Variants in FHIT observed in about 807,000 individuals in gnomAD.
FHIT encodes the protein bis(5'-adenosyl)-triphosphatase.
FHIT carries 19 observed loss-of-function variants against 17.9 expected under a neutral mutation model. That is an observed-to-expected ratio of 1.06 (90% confidence interval 0.74 to 1.56). The LOEUF (loss-of-function observed/expected upper bound fraction) is 1.56. Among genes scored for constraint, FHIT ranks in the 40% most tolerant of loss-of-function variants. FHIT has a pLI of 0.00. For missense variants in FHIT, 248 were observed against 189.2 expected, an observed-to-expected ratio of 1.31 and a Z score of -1.82; for synonymous variants, 81 against 69.7, an observed-to-expected ratio of 1.16 and a Z score of -0.81.
chr3:60,710,275 C>A (rs2041488100), intron 4 of FHIT, among the ~76,000 whole-genome samples: 1 of 152,142 alleles, frequency 6.6e-6, no homozygotes, highest in Admixed American at 6.5e-5. Context: ...TTTTAAAAAA[C>A]ATTACATTTG....
chr3:61,011,968 G>A (rs1357325482), intron 3 of FHIT, among the ~76,000 whole-genome samples: 2 of 152,162 alleles, frequency 1.3e-5, no homozygotes, highest in Admixed American at 6.5e-5. Flanking sequence ...AAGAAAGTAG[G>A]CCTGACCTAG....
chr3:60,828,858 A>G (rs901901672), intron 3 of FHIT, among the ~76,000 whole-genome samples: 1 of 152,188 alleles, frequency 6.6e-6, no homozygotes, highest in Non-Finnish European at 1.5e-5. Flanking sequence ...AGCCTGGGCA[A>G]CAAAAGTGAA....
intron 5 of FHIT, among the ~76,000 whole-genome samples, chr3:60,208,110 C>T (rs529108794): frequency 3.3e-5 from 5 of 152,258 alleles, no homozygotes; most frequent in African/African-American, 1.2e-4. Flanking sequence ...TATTGGGATA[C>T]ATTTAAATCT....
chr3:61,179,616 G>A (rs1311634016), intron 2 of FHIT, among the ~76,000 whole-genome samples: 5 of 149,412 alleles, frequency 3.3e-5, no homozygotes, highest in Admixed American at 2.0e-4. Context: ...GCTAAGACGG[G>A]AGGATCACCT....
chr3:61,159,103 C>A (rs2037615895), intron 2 of FHIT, among the ~76,000 whole-genome samples: 1 of 152,190 alleles, frequency 6.6e-6, no homozygotes, highest in Non-Finnish European at 1.5e-5. Flanking sequence ...AGCTTTGGTG[C>A]AGTCCTGACT....
chr3:60,270,129 C>T (rs1328510877), intron 5 of FHIT, among the ~76,000 whole-genome samples: 2 of 152,156 alleles, frequency 1.3e-5, no homozygotes, highest in Non-Finnish European at 2.9e-5. Context: ...GTTGTGACAG[C>T]GAAGTCAGGT....
chr3:60,057,151 T>A (rs1307613292), intron 5 of FHIT, among the ~76,000 whole-genome samples: 3 of 152,204 alleles, frequency 2.0e-5, no homozygotes, highest in Admixed American at 6.5e-5. Context: ...GAACACCTAC[T>A]AGAAGCCAAG....
chr3:60,642,520 T>C (rs2039752384), intron 4 of FHIT, among the ~76,000 whole-genome samples: 1 of 152,204 alleles, frequency 6.6e-6, no homozygotes, highest in Admixed American at 6.5e-5. Flanking sequence ...AAGGAGCTAC[T>C]CATGCTCATT....
At chr3:60,154,620 T>C (rs1293447696) in intron 5 of FHIT, among the ~76,000 whole-genome samples, 1 of 152,218 alleles carries the variant, frequency 6.6e-6, no homozygotes, top group Non-Finnish European at 1.5e-5. Context: ...TGATGCCTCA[T>C]TAATGCAAAT....
intron 3 of FHIT, among the ~76,000 whole-genome samples, chr3:60,947,909 T>A (rs1421181844): frequency 6.6e-6 from 1 of 152,250 alleles, no homozygotes; most frequent in Non-Finnish European, 1.5e-5. Flanking sequence ...GGTTAGTTTC[T>A]GTTTCTTAGT....
At chr3:60,296,225 AAGG>A (rs1466519215) in intron 5 of FHIT, among the ~76,000 whole-genome samples, 1 of 151,846 alleles carries the variant, frequency 6.6e-6, no homozygotes, top group Non-Finnish European at 1.5e-5. Context: ...GGAAGGGGGG[AAGG>A]AGGAGGGGAA....
chr3:60,068,798 C>G (rs927298420), intron 5 of FHIT, among the ~76,000 whole-genome samples: 1 of 151,986 alleles, frequency 6.6e-6, no homozygotes, highest in Non-Finnish European at 1.5e-5. Context: ...AGAAACAAGG[C>G]AATGATTGAA....
At chr3:60,587,326 G>A (rs918575913) in intron 4 of FHIT, among the ~76,000 whole-genome samples, 1 of 151,986 alleles carries the variant, frequency 6.6e-6, no homozygotes, top group Non-Finnish European at 1.5e-5. Context: ...ACTGGGAGGG[G>A]AACATCACAC....
chr3:60,610,224 G>A (rs1182825739), intron 4 of FHIT, among the ~76,000 whole-genome samples: 1 of 152,124 alleles, frequency 6.6e-6, no homozygotes, highest in African/African-American at 2.4e-5. Flanking sequence ...ATTGCCAAGG[G>A]TAAGTTATGT....
At chr3:60,892,805 T>C (rs111745362) in intron 3 of FHIT, among the ~76,000 whole-genome samples, 63 of 152,280 alleles carry the variant, frequency 4.1e-4, no homozygotes, top group Middle Eastern at 3.4e-3. Context: ...TGTAATAATA[T>C]GCGTAAATGC....
At chr3:60,206,574 T>G (rs1187555333) in intron 5 of FHIT, among the ~76,000 whole-genome samples, 1 of 152,080 alleles carries the variant, frequency 6.6e-6, no homozygotes, top group Non-Finnish European at 1.5e-5. Flanking sequence ...CTCTAAGGCA[T>G]GAAAGAGGCA....
In FHIT at chr3:60,347,675, T is replaced by TGGCG. The variant is rs1166550062; in HGVS notation, c.103+189184_103+189185insCGCC. ...TCCTGTCTTCAGATCACCACTGGTTTGGGGGGGGGGGGGGTTTGTTTTTTG... is the reference window on the plus strand; with the variant it reads ...TCCTGTCTTCAGATCACCACTGGTTTGGCGGGGGGGGGGGGGGGTTTGTTTTTTG... On this transcript the variant is annotated intron_variant, in intron 5 of 9. Coordinates refer to ENST00000492590, the MANE Select transcript of FHIT (RefSeq NM_002012.4). Among the ~76,000 whole-genome samples, 227 of 27,688 alleles carry TGGCG rather than the reference T, an allele frequency of 8.2e-3. 8 individuals carry two copies. The highest frequency in any genetic ancestry group is 0.017 in the Non-Finnish European group (196 of 11,728). 18.2% of individuals were successfully genotyped at this position (27,688 alleles called of 152,430 possible). A position where few individuals can be genotyped will look rare whatever the true frequency, so the allele number is the denominator to read the frequency against.
At chr3:60,927,040 T>C (rs939933549) in intron 3 of FHIT, among the ~76,000 whole-genome samples, 31 of 152,256 alleles carry the variant, frequency 2.0e-4, no homozygotes, top group African/African-American at 7.5e-4. Context: ...TTCCACGGTC[T>C]CCCTCTGTTG....
intron 7 of FHIT, among the ~76,000 whole-genome samples, chr3:59,973,938 G>A (rs1419413163): frequency 6.6e-6 from 1 of 151,660 alleles, no homozygotes; most frequent in African/African-American, 2.4e-5. Flanking sequence ...CTTCACAGGG[G>A]TAGTGTGGCA....
Sources: gnomAD v4.1 joint callset for allele counts (sites outside exome capture counted in the v4.1 genomes callset) on GRCh38, gnomAD v4.1.1 for gene constraint, MANE v1.5 for transcripts, NCBI Gene and HGNC (gene_info 2026-07-23, HGNC 2026-07-21) for gene names.